The following MACROD2 variants were observed in gnomAD, a reference collection of about 807,000 sequenced individuals.
MACROD2 encodes mono-ADP ribosylhydrolase 2.
Under a neutral mutation model 70.4 loss-of-function variants are expected in MACROD2, and 36 were observed. The observed-to-expected ratio is 0.51, with a 90% CI of 0.39 to 0.68. The LOEUF (loss-of-function observed/expected upper bound fraction) is 0.68, where lower values mean the gene tolerates loss of function less well. MACROD2 is among the 30% of genes least tolerant of loss of function. The pLI, the probability that MACROD2 is intolerant of heterozygous loss-of-function variation, is 0.00. For synonymous variants in MACROD2, 172 were observed against 178.8 expected, an observed-to-expected ratio of 0.96 and a Z score of 0.30; for missense variants, 496 against 538.4, an observed-to-expected ratio of 0.92 and a Z score of 0.78.
intron 5 of MACROD2, among the ~76,000 whole-genome samples, chr20:15,088,409 AT>A: frequency 2.1e-4 from 1 of 4,678 alleles, no homozygotes; most frequent in Non-Finnish European, 1.2e-3. Flanking sequence ...ATATATATAT[AT>A]ATATATATAT....
chr20:14,826,607 C>T (rs77009653), intron 5 of MACROD2, among the ~76,000 whole-genome samples: 5,093 of 152,104 alleles, frequency 0.033, 154 homozygotes, highest in Non-Finnish European at 0.049. Context: ...TCACTCAATG[C>T]GTGTCTCTCC....
At chr20:14,972,552 G>T (rs754605631) in intron 5 of MACROD2, among the ~76,000 whole-genome samples, 5 of 152,082 alleles carry the variant, frequency 3.3e-5, no homozygotes, top group Non-Finnish European at 7.4e-5. Context: ...TATACTGAAG[G>T]TCTAATGCCC....
chr20:15,331,891 T>G (rs1291388003), intron 6 of MACROD2, among the ~76,000 whole-genome samples: 2 of 151,668 alleles, frequency 1.3e-5, no homozygotes, highest in African/African-American at 4.9e-5. Flanking sequence ...TGCTCTTCAC[T>G]CTATACATAA....
intron 5 of MACROD2, among the ~76,000 whole-genome samples, chr20:15,174,703 G>A (rs1187201155): frequency 6.6e-6 from 1 of 152,180 alleles, no homozygotes; most frequent in East Asian, 1.9e-4. Flanking sequence ...ATTCTAACTG[G>A]TGTGAGATGG....
chr20:14,048,548 G>A (rs1471368841), intron 2 of MACROD2, among the ~76,000 whole-genome samples: 1 of 152,120 alleles, frequency 6.6e-6, no homozygotes, highest in African/African-American at 2.4e-5. Context: ...GTCAGTTTCA[G>A]TATTACGACC....
Position 14,808,142 on chromosome 20 carries a change from C to T in MACROD2, c.418+123183C>T, listed in dbSNP as rs533227901. On this transcript the variant is annotated intron_variant, in intron 5 of 17. Transcript: ENST00000684519. Reference sequence around the variant, plus strand: ...AGAGTAACATAATTGTCAGATTCACCAAGGTTGAAATGAAGGAAAAAATGT... The same window carrying T: ...AGAGTAACATAATTGTCAGATTCACTAAGGTTGAAATGAAGGAAAAAATGT... 5.3e-5 allele frequency among the ~76,000 whole-genome samples: 8 copies of T among 151,988 alleles called. No individual in the cohort carries two copies. In the East Asian group the frequency reaches 1.6e-3, roughly 29 times the overall value.
intron 2 of MACROD2, among the ~76,000 whole-genome samples, chr20:14,006,441 C>G (rs2052822464): frequency 6.6e-6 from 1 of 152,040 alleles, no homozygotes; most frequent in African/African-American, 2.4e-5. Context: ...AAATGAGTAT[C>G]TGTGTATATG....
At chr20:15,066,187 A>C (rs774425322) in intron 5 of MACROD2, among the ~76,000 whole-genome samples, 3 of 151,576 alleles carry the variant, frequency 2.0e-5, no homozygotes, top group Non-Finnish European at 4.4e-5. Context: ...GCTGGAGTAC[A>C]ATGGTACGAT....
intron 6 of MACROD2, among the ~76,000 whole-genome samples, chr20:15,305,753 GAAATAACCAAAT>G (rs146969472): frequency 0.053 from 7,992 of 152,086 alleles, 288 homozygotes; most frequent in East Asian, 0.13. Flanking sequence ...GCTTATTATT[GAAATAACCAAAT>G]AAACAACTAT....
intron 3 of MACROD2, among the ~76,000 whole-genome samples, chr20:14,292,612 G>T (rs1568541274): frequency 6.6e-6 from 1 of 151,810 alleles, no homozygotes; most frequent in Non-Finnish European, 1.5e-5. Context: ...AAAACTAAAA[G>T]CTCATTCATT....
chr20:14,158,964 T>C (rs151272033), intron 3 of MACROD2, among the ~76,000 whole-genome samples: 515 of 152,260 alleles, frequency 3.4e-3, no homozygotes, highest in East Asian at 0.011. Flanking sequence ...TGGCCAGGCA[T>C]GGTGGCTCAC....
chr20:14,348,256 A>G (rs1427043600), intron 3 of MACROD2, among the ~76,000 whole-genome samples: 2 of 141,318 alleles, frequency 1.4e-5, no homozygotes, highest in African/African-American at 5.3e-5. Context: ...GCGTCAGAGC[A>G]AGACTCCGTC....
chr20:15,793,248 G>A lies in MACROD2; in HGVS notation c.646-69497G>A, dbSNP rs371133427. ...TTTCAGTGTGCATCACAATCACCAG[G>A]AAGGTTTGTTAAAACCCAGGTCCCC... On this transcript the variant is annotated intron_variant, in intron 8 of 17. Transcript: ENST00000684519. 8.9e-4 allele frequency among the ~76,000 whole-genome samples: 135 copies of A among 152,212 alleles called. 1 individual carries two copies. Among genetic ancestry groups the A allele is most frequent in the Middle Eastern group, 3.4e-3 (1 of 294 alleles).
At chr20:14,458,627 GA>G (rs1286500035) in intron 3 of MACROD2, among the ~76,000 whole-genome samples, 1 of 152,040 alleles carries the variant, frequency 6.6e-6, no homozygotes. Flanking sequence ...GAGAGGGCAT[GA>G]AAGCCCCTTC....
intron 3 of MACROD2, among the ~76,000 whole-genome samples, chr20:14,185,887 A>C (rs1407362742): frequency 6.6e-6 from 1 of 152,226 alleles, no homozygotes; most frequent in Non-Finnish European, 1.5e-5. Context: ...AAAATACTAC[A>C]TTATATAAAT....
At chr20:14,638,495 C>T (rs754388251) in intron 4 of MACROD2, among the ~76,000 whole-genome samples, 3 of 152,046 alleles carry the variant, frequency 2.0e-5, no homozygotes, top group African/African-American at 7.2e-5. Flanking sequence ...TCAGCTTAGT[C>T]GTTGAGAGCA....
intron 5 of MACROD2, among the ~76,000 whole-genome samples, chr20:14,699,436 T>C (rs762303731): frequency 6.6e-6 from 1 of 152,182 alleles, no homozygotes; most frequent in African/African-American, 2.4e-5. Flanking sequence ...TCTTTACAAA[T>C]AGAATGCTAG....
chr20:14,188,647 T>C (rs2148736646), intron 3 of MACROD2, among the ~76,000 whole-genome samples: 1 of 152,246 alleles, frequency 6.6e-6, no homozygotes, highest in Middle Eastern at 3.4e-3. Context: ...AACAACATTG[T>C]TTTCACCCAT....
chr20:15,529,011 C>G (rs2047760090), intron 8 of MACROD2, among the ~76,000 whole-genome samples: 1 of 152,086 alleles, frequency 6.6e-6, no homozygotes, highest in East Asian at 1.9e-4. Flanking sequence ...ATTAATATAT[C>G]TTAAAGAAGA....
Sources: allele counts gnomAD v4.1 joint callset (sites outside exome capture counted in the v4.1 genomes callset), GRCh38; gene constraint gnomAD v4.1.1; transcripts MANE v1.5; gene names NCBI Gene and HGNC (gene_info 2026-07-23, HGNC 2026-07-21).